The following ZNF407 variants were observed in gnomAD, a reference collection of about 807,000 sequenced individuals.
The protein encoded by ZNF407 is zinc finger protein 407.
Under a neutral mutation model 131.2 loss-of-function variants are expected in ZNF407, and 17 were observed. The ratio of observed to expected loss-of-function variants is 0.13; its 90% CI spans 0.09 to 0.19. The LOEUF (loss-of-function observed/expected upper bound fraction) is 0.19. ZNF407 is among the 10% of genes least tolerant of loss of function. The pLI is 1.00. For missense variants in ZNF407, 2,681 were observed against 2,830.6 expected, an observed-to-expected ratio of 0.95 and a Z score of 1.20; for synonymous variants, 1,156 against 1,062.0, an observed-to-expected ratio of 1.09 and a Z score of -1.72.
chr18:74,714,471 T>C (rs1967844028), intron 3 of ZNF407, among the ~76,000 whole-genome samples: 1 of 152,256 alleles, frequency 6.6e-6, no homozygotes, highest in East Asian at 1.9e-4. Flanking sequence ...TCTCTTGCTT[T>C]GTTAGCTTAA....
intron 7 of ZNF407, among the ~76,000 whole-genome samples, chr18:74,915,255 T>C (rs145378426): frequency 3.9e-5 from 6 of 152,192 alleles, no homozygotes; most frequent in African/African-American, 9.6e-5. Context: ...CTAGTATCCT[T>C]AGTTTACGTC....
intron 8 of ZNF407, among the ~76,000 whole-genome samples, chr18:74,971,497 A>G (rs563684657): frequency 6.6e-6 from 1 of 152,340 alleles, no homozygotes; most frequent in African/African-American, 2.4e-5. Context: ...TCAAGTTCAA[A>G]GTTCCACAAA....
intron 4 of ZNF407, among the ~76,000 whole-genome samples, chr18:74,848,390 A>C (rs984179565): frequency 6.6e-6 from 1 of 152,152 alleles, no homozygotes; most frequent in Non-Finnish European, 1.5e-5. Context: ...AAAAAGAATG[A>C]AAAGAAGGTA....
intron 8 of ZNF407, among the ~76,000 whole-genome samples, chr18:75,002,675 G>A (rs1972860429): frequency 6.6e-6 from 1 of 152,030 alleles, no homozygotes; most frequent in Non-Finnish European, 1.5e-5. Flanking sequence ...CGTGGTGACG[G>A]GCGCCTGTAG....
intron 4 of ZNF407, among the ~76,000 whole-genome samples, chr18:74,867,665 G>A (rs1971032305): frequency 6.6e-6 from 1 of 152,198 alleles, no homozygotes; most frequent in South Asian, 2.1e-4. Flanking sequence ...ATTAGTAAAG[G>A]GTTTGGGATA....
intron 3 of ZNF407, among the ~76,000 whole-genome samples, chr18:74,779,494 A>G (rs1969555285): frequency 6.6e-6 from 1 of 152,044 alleles, no homozygotes; most frequent in South Asian, 2.1e-4. Context: ...AAGAATTAGT[A>G]CTTCTTTTAA....
chr18:74,707,751 T>C (rs1242593123), intron 3 of ZNF407, among the ~76,000 whole-genome samples: 1 of 152,248 alleles, frequency 6.6e-6, no homozygotes, highest in Non-Finnish European at 1.5e-5. Context: ...ATTGGACTTT[T>C]TCCTCATGAA....
In ZNF407 at chr18:74,901,899, C is replaced by G. The variant is rs554410144; in HGVS notation, c.5249+11861C>G. Among the ~76,000 whole-genome samples, 10 of 124,514 alleles carry G rather than the reference C, an allele frequency of 8.0e-5. 1 individual carries two copies. In the South Asian group the frequency reaches 3.0e-3, roughly 38 times the overall value. 81.7% of individuals were successfully genotyped at this position (124,514 alleles called of 152,430 possible). On this transcript the variant is annotated intron_variant, in intron 7 of 8. Transcript: ENST00000299687. ...GTAAAAAAGAGTCAACACAAGGTTT[C>G]AGTTTTATTTTTAAGGTTTTTTTTT...
chr18:74,941,266 G>T (rs548475142), intron 8 of ZNF407, among the ~76,000 whole-genome samples: 3 of 152,194 alleles, frequency 2.0e-5, no homozygotes, highest in Non-Finnish European at 1.5e-5. Context: ...TGGATTTCTT[G>T]CCCTGTTATT....
chr18:74,851,237 G>T (rs1599196794), intron 4 of ZNF407, among the ~76,000 whole-genome samples: 2 of 152,202 alleles, frequency 1.3e-5, no homozygotes, highest in Admixed American at 1.3e-4. Flanking sequence ...CTCCATGCAA[G>T]TATGATCTAT....
intron 4 of ZNF407, among the ~76,000 whole-genome samples, chr18:74,864,571 TTA>T (rs1970983825): frequency 6.6e-6 from 1 of 152,192 alleles, no homozygotes. Context: ...TTATGTAAAA[TTA>T]TTGAGTTTTA....
chr18:74,765,182 T>G (rs761426974), intron 3 of ZNF407, among the ~76,000 whole-genome samples: 7 of 152,216 alleles, frequency 4.6e-5, no homozygotes, highest in Non-Finnish European at 1.0e-4. Flanking sequence ...ACGGGTGTAC[T>G]TATCTTTTGA....
At chr18:74,784,244 GT>G (rs1458796281) in intron 4 of ZNF407, among the ~76,000 whole-genome samples, 1 of 152,170 alleles carries the variant, frequency 6.6e-6, no homozygotes, top group African/African-American at 2.4e-5. Flanking sequence ...TTTAAAAAAT[GT>G]TTTTAATTTG....
chr18:75,058,243 C>T (rs1241415158), intron 8 of ZNF407, among the ~76,000 whole-genome samples: 1 of 152,196 alleles, frequency 6.6e-6, no homozygotes, highest in Non-Finnish European at 1.5e-5. Context: ...CCCAGAGCAG[C>T]GAGCCGAACT....
chr18:74,965,448 A>G (rs1270974043), intron 8 of ZNF407, among the ~76,000 whole-genome samples: 2 of 152,076 alleles, frequency 1.3e-5, no homozygotes, highest in Non-Finnish European at 2.9e-5. Flanking sequence ...ACTTAACATA[A>G]TGACCTCCAG....
intron 3 of ZNF407, among the ~76,000 whole-genome samples, chr18:74,765,683 A>ACTCTT (rs560232815): frequency 1.7e-4 from 26 of 151,896 alleles, no homozygotes; most frequent in African/African-American, 5.8e-4. Context: ...TCCTCCATGC[A>ACTCTT]CTCTTCCCAT....
intron 4 of ZNF407, among the ~76,000 whole-genome samples, chr18:74,819,363 A>T (rs1970309759): frequency 6.6e-6 from 1 of 152,194 alleles, no homozygotes. Flanking sequence ...AGTAGTCTTT[A>T]AATACAGAAT....
chr18:74,929,025 G>A lies in ZNF407; in HGVS notation c.5428+8333G>A, dbSNP rs577737723. Among the ~76,000 whole-genome samples the A allele has an allele frequency of 9.5e-4, 144 of 152,248 alleles. 2 individuals carry two copies. Among genetic ancestry groups the A allele is most frequent in the African/African-American group, 3.2e-3 (134 of 41,546 alleles). ...CATTCATAAATTTAAAATAAAGTTAGAGTACACAATTAAAACACAGCTTTT... is the reference window on the plus strand; with the variant it reads ...CATTCATAAATTTAAAATAAAGTTAAAGTACACAATTAAAACACAGCTTTT... On this transcript the variant is annotated intron_variant, in intron 8 of 8. Transcript: ENST00000299687.
chr18:74,805,083 T>G (rs949524012), intron 4 of ZNF407, among the ~76,000 whole-genome samples: 1 of 152,210 alleles, frequency 6.6e-6, no homozygotes, highest in Non-Finnish European at 1.5e-5. Context: ...GACCTCTTTT[T>G]TCCCCCCATG....
Sources: gnomAD v4.1 joint callset for allele counts (sites outside exome capture counted in the v4.1 genomes callset) on GRCh38, gnomAD v4.1.1 for gene constraint, MANE v1.5 for transcripts, NCBI Gene and HGNC (gene_info 2026-07-23, HGNC 2026-07-21) for gene names.